NUBP1: variants seen among roughly 807,000 people sequenced by gnomAD.
NUBP1 encodes the protein cytosolic Fe-S cluster assembly factor NUBP1.
Under a neutral mutation model 41.8 loss-of-function variants are expected in NUBP1, and 46 were observed. The ratio of observed to expected loss-of-function variants is 1.10; its 90% CI spans 0.87 to 1.41. The LOEUF (loss-of-function observed/expected upper bound fraction) is 1.41. Ranked by LOEUF, NUBP1 falls within the 40% of genes most tolerant of loss-of-function variation. The pLI is 0.00. For synonymous variants in NUBP1, 189 were observed against 154.6 expected (o/e 1.22, Z -1.65); for missense variants, 494 against 414.0 (o/e 1.19, Z -1.68).
At chr16:10,744,102 G>C (rs771082856) in intron 2 of NUBP1, 37 bp downstream of exon 2, 1 of 1,497,646 alleles carries the variant, frequency 6.7e-7, no homozygotes, top group African/African-American at 1.4e-5. Flanking sequence ...GAACTTAGAG[G>C]CGCAGGCCCG....
chr16:10,743,967 CA>C lies in NUBP1; in HGVS notation c.27del (p.Ala11ProfsTer33), dbSNP rs745702942. The C allele has an allele frequency of 2.5e-6, 4 of 1,584,136 alleles. No homozygotes were observed. The highest frequency in any genetic ancestry group is 3.4e-6 in the Non-Finnish European group (4 of 1,170,392). ...TGGTCTTGTCTCTGCGCAGACTGTC[CA>C]GGGGCCGACAGCGCCCAGGCGGGCA... Reference protein sequence around the residue: MEEVPHDCPGADSAQAGRG... With the variant: MEEVPHDCXGADSAQAGRG... On this transcript the variant is annotated frameshift_variant, in exon 2 of 11. Transcript: ENST00000283027. LOFTEE classifies it high-confidence loss of function.
At position 10,765,439 on chromosome 16, in the gene NUBP1, T is replaced by G. The variant is rs1004532627; in HGVS notation, c.821-2510T>G. Reference sequence around the variant, plus strand: ...GCAGGATCACTTGAGCCCAGGGAGGTTGAGGTTGCAGTGAGCCATGATCAC... The same window carrying G: ...GCAGGATCACTTGAGCCCAGGGAGGGTGAGGTTGCAGTGAGCCATGATCAC... On this transcript the variant is annotated intron_variant, in intron 9 of 10. Coordinates refer to ENST00000283027, the MANE Select transcript of NUBP1 (RefSeq NM_002484.4). The surrounding 1 kb of genome is among the most constrained non-coding windows in gnomAD (Gnocchi z 4.0). Among the ~76,000 whole-genome samples the G allele has an allele frequency of 1.3e-5, 2 of 151,046 alleles. No homozygotes were observed. The highest frequency in any genetic ancestry group is 4.9e-5 in the African/African-American group (2 of 40,984).
intron 7 of NUBP1, among the ~76,000 whole-genome samples, chr16:10,758,972 C>G (rs1900759573): frequency 6.6e-6 from 1 of 152,168 alleles, no homozygotes; most frequent in African/African-American, 2.4e-5. Context: ...CTATCCATCT[C>G]AGGGGCCTGA....
intron 5 of NUBP1, 60 bp from the exon 6 acceptor site, chr16:10,756,630 G>A: frequency 7.9e-7 from 1 of 1,267,910 alleles, no homozygotes; most frequent in Non-Finnish European, 1.1e-6. Context: ...ACCTGGGGGA[G>A]GGCCTCACTG....
intron 3 of NUBP1, among the ~76,000 whole-genome samples, chr16:10,752,270 A>T (rs1467086878): frequency 6.6e-6 from 1 of 152,198 alleles, no homozygotes. Context: ...CTGTCACACA[A>T]GCCAAACAGG....
In NUBP1 at chr16:10,745,944, G is replaced by A. The variant is rs183015948; in HGVS notation, c.125-1199G>A. Reference sequence around the variant, plus strand: ...GTTAGACTGAGGTTACAGTCCTAAAGTTACAGTTGGCATGTCCTTGTTTAT... The same window carrying A: ...GTTAGACTGAGGTTACAGTCCTAAAATTACAGTTGGCATGTCCTTGTTTAT... On this transcript the variant is annotated intron_variant, in intron 2 of 10. Transcript: ENST00000283027. Among the ~76,000 whole-genome samples the A allele has an allele frequency of 4.8e-3, 725 of 152,332 alleles. 3 individuals are homozygous for A. The highest frequency in any genetic ancestry group is 6.1e-3 in the Non-Finnish European group (415 of 68,026).
intron 4 of NUBP1, 117 bp from the exon 5 acceptor site, chr16:10,755,604 G>T (rs1233132267): frequency 1.6e-5 from 17 of 1,096,056 alleles, no homozygotes; most frequent in Non-Finnish European, 2.2e-5. Context: ...TACCATGTAA[G>T]ACAATGAATT....
At chr16:10,755,292 T>C (rs762679760) in intron 4 of NUBP1, among the ~76,000 whole-genome samples, 17 of 152,332 alleles carry the variant, frequency 1.1e-4, no homozygotes, top group South Asian at 2.1e-4. Flanking sequence ...CTGGAGCTGA[T>C]TGGGGACAGG....
intron 4 of NUBP1, among the ~76,000 whole-genome samples, chr16:10,754,623 T>C (rs911256436): frequency 1.3e-5 from 2 of 152,148 alleles, no homozygotes; most frequent in Admixed American, 6.6e-5. Context: ...ATGTGCAGAA[T>C]AGGTCAGTCC....
chr16:10,748,358 C>G (rs940737866), intron 3 of NUBP1, among the ~76,000 whole-genome samples: 1 of 152,150 alleles, frequency 6.6e-6, no homozygotes, highest in South Asian at 2.1e-4. Context: ...AAAATTTTTG[C>G]TGGCCCTTAC....
chr16:10,747,495 C>T (rs1319689452), intron 3 of NUBP1, among the ~76,000 whole-genome samples: 2 of 152,312 alleles, frequency 1.3e-5, no homozygotes, highest in East Asian at 1.9e-4. Flanking sequence ...ATTAGCTGGG[C>T]GTGGTAGCGC....
Position 10,747,160 on chromosome 16 carries a change from G to C in NUBP1, c.142G>C (p.Glu48Gln), listed in dbSNP as rs1290943050. 1.2e-6 allele frequency: 2 copies of C among 1,614,054 alleles called. No individual in the cohort carries two copies. Among genetic ancestry groups the C allele is most frequent in the South Asian group, 1.1e-5 (1 of 91,080 alleles). ...CTTTGCAGCTATAGAGGAAATCAAA[G>C]AGAAAATGAAGACTGTAAAACACAA... Reference protein sequence around the residue: ...TPDTAIEEIKEKMKTVKHKIL... With the variant: ...TPDTAIEEIKQKMKTVKHKIL... Residue 48 changes from glutamate to glutamine, a missense_variant, in exon 3 of 11, where the codon GAG (glutamate) becomes CAG (glutamine). Glu to Gln is a conservative substitution (Grantham distance 29). Transcript: ENST00000283027.
Position 10,749,006 on chromosome 16 carries a change from G to A in NUBP1, c.258+1730G>A, listed in dbSNP as rs1330482600. Reference sequence around the variant, plus strand: ...CTCGGGAGGCCGAGGCATGAGAATCGTTTGAACCCAGGAGGCGGAGGTCGC... The same window carrying A: ...CTCGGGAGGCCGAGGCATGAGAATCATTTGAACCCAGGAGGCGGAGGTCGC... On this transcript the variant is annotated intron_variant, in intron 3 of 10. Coordinates refer to ENST00000283027, the MANE Select transcript of NUBP1 (RefSeq NM_002484.4). The surrounding 1 kb of genome is among the most constrained non-coding windows in gnomAD (Gnocchi z 4.1). Among the ~76,000 whole-genome samples, 1 of 151,760 alleles carries A rather than the reference G, an allele frequency of 6.6e-6. No individual in the cohort carries two copies. Among genetic ancestry groups the A allele is most frequent in the African/African-American group, 2.4e-5 (1 of 41,290 alleles).
At chr16:10,752,791 G>A (rs1306644404) in intron 4 of NUBP1, 113 bp downstream of exon 4, 1 of 936,962 alleles carries the variant, frequency 1.1e-6, no homozygotes, top group Non-Finnish European at 1.7e-6. Flanking sequence ...TTTTTTTGTT[G>A]TTGTTTTGTT....
rs1485930761 is a variant in NUBP1, at chr16:10,765,200, A to G, written c.821-2749A>G. On this transcript the variant is annotated intron_variant, in intron 9 of 10. Transcript: ENST00000283027. This position sits in a 1 kb window ranked among gnomAD's most constrained non-coding sequence, Gnocchi z 4.0. ...ATTTTCCAAGGTTTAATGAAGAGCTAGAAATCTATATCCTTACCCAAAGTC... is the reference window on the plus strand; with the variant it reads ...ATTTTCCAAGGTTTAATGAAGAGCTGGAAATCTATATCCTTACCCAAAGTC... 6.6e-6 allele frequency: 1 copy of G among 152,528 alleles called. No individual in the cohort carries two copies. The highest frequency in any genetic ancestry group is 2.4e-5 in the African/African-American group (1 of 41,434). 9.4% of individuals were successfully genotyped at this position (152,528 alleles called of 1,614,324 possible).
At position 10,766,926 on chromosome 16, in the gene NUBP1, C is replaced by T; in HGVS notation, c.821-1023C>T. 1 of 398,704 alleles carries T rather than the reference C, an allele frequency of 2.5e-6. No homozygotes were observed. The highest frequency in any genetic ancestry group is 3.6e-5 in the East Asian group (1 of 28,082). 24.7% of individuals were successfully genotyped at this position (398,704 alleles called of 1,614,324 possible). A position where few individuals can be genotyped will look rare whatever the true frequency, so the allele number is the denominator to read the frequency against. On this transcript the variant is annotated intron_variant, in intron 9 of 10. Transcript: ENST00000283027. This position sits in a 1 kb window ranked among gnomAD's most constrained non-coding sequence, Gnocchi z 4.8. The stretch of plus-strand genomic sequence containing the variant: ...CGAATTGGCCTTATGTTCCCTGCCT[C>T]TGGACCCTATTTTCCTGACTCACTG...
chr16:10,743,983 C>G lies in NUBP1; in HGVS notation c.42C>G (p.Ala14=). The change falls in exon 2 of 11, where the codon GCC becomes GCG. Residue 14 remains alanine, a synonymous_variant. Coordinates refer to ENST00000283027, the MANE Select transcript of NUBP1 (RefSeq NM_002484.4). ...VPHDCPGADS[A]QAGRGASCQG... is the part of the protein sequence containing the mutation. Reference sequence around the variant, plus strand: ...CAGACTGTCCAGGGGCCGACAGCGCCCAGGCGGGCAGAGGGGCTTCATGTC... The same window carrying G: ...CAGACTGTCCAGGGGCCGACAGCGCGCAGGCGGGCAGAGGGGCTTCATGTC... 2 of 1,581,452 alleles carry G rather than the reference C, an allele frequency of 1.3e-6. No individual in the cohort carries two copies. The highest frequency in any genetic ancestry group is 1.7e-6 in the Non-Finnish European group (2 of 1,169,442).
rs58201009 is a variant in NUBP1, at chr16:10,749,126, T to TAC, written c.258+1893_258+1894dup. Among the ~76,000 whole-genome samples, 5,261 of 120,926 alleles carry TAC rather than the reference T, an allele frequency of 0.044. 129 individuals are homozygous for TAC. Among genetic ancestry groups the TAC allele is most frequent in the Non-Finnish European group, 0.062 (3,425 of 55,262 alleles). The allele number at this position is 120,926 out of a possible 152,430, so 79.3% of individuals were successfully genotyped here. ...GGATATAGATAGATACACAGACACATACACACACACACACACACACACACA... is the reference window on the plus strand; with the variant it reads ...GGATATAGATAGATACACAGACACATACACACACACACACACACACACACACA... On this transcript the variant is annotated intron_variant, in intron 3 of 10. Coordinates refer to ENST00000283027, the MANE Select transcript of NUBP1 (RefSeq NM_002484.4). This position sits in a 1 kb window ranked among gnomAD's most constrained non-coding sequence, Gnocchi z 4.1.
rs1207316496 is a variant in NUBP1 at position 10,767,412 on chromosome 16, G to A, written c.821-537G>A. Reference sequence around the variant, plus strand: ...GAAGATAAAATTATACACAGACAAAGCAGCAGGCAGAATGTGTGTGTCATG... The same window carrying A: ...GAAGATAAAATTATACACAGACAAAACAGCAGGCAGAATGTGTGTGTCATG... On this transcript the variant is annotated intron_variant, in intron 9 of 10. Coordinates refer to ENST00000283027, the MANE Select transcript of NUBP1 (RefSeq NM_002484.4). The surrounding 1 kb of genome is among the most constrained non-coding windows in gnomAD (Gnocchi z 4.6). 1.0e-5 allele frequency: 4 copies of A among 400,036 alleles called. No individual in the cohort carries two copies. The Admixed American group carries it at 1.7e-4, about 17-fold the overall frequency. 24.8% of individuals were successfully genotyped at this position (400,036 alleles called of 1,614,324 possible). A position where few individuals can be genotyped will look rare whatever the true frequency, so the allele number is the denominator to read the frequency against.
Sources: allele counts gnomAD v4.1 joint callset (sites outside exome capture counted in the v4.1 genomes callset), GRCh38; gene constraint gnomAD v4.1.1; non-coding constraint Gnocchi (gnomAD v3.1); transcripts MANE v1.5; gene names NCBI Gene and HGNC (gene_info 2026-07-23, HGNC 2026-07-21).